The following NCALD variants were observed in gnomAD, a reference collection of about 807,000 sequenced individuals.
NCALD encodes the protein neurocalcin-delta.
A neutral mutation model predicts 18.6 loss-of-function variants in NCALD; 10 were observed. That is an observed-to-expected ratio of 0.54 (90% CI 0.33 to 0.91). The LOEUF is 0.91. NCALD is among the 40% of genes least tolerant of loss of function. The probability of loss-of-function intolerance (pLI) is 0.03; values close to 1 mark genes in which losing one functional copy is unlikely to be tolerated. For missense variants in NCALD, 184 were observed against 247.6 expected (o/e 0.74, Z 1.72); for synonymous variants, 88 against 87.4 (o/e 1.01, Z -0.04).
chr8:101,852,172 G>C (rs571771931), intron 4 of NCALD, among the ~76,000 whole-genome samples: 8 of 152,274 alleles, frequency 5.3e-5, no homozygotes, highest in African/African-American at 1.9e-4. Flanking sequence ...CAGCCTGAAT[G>C]GACTGAGACA....
At chr8:101,973,767 A>C (rs1363208664) in intron 2 of NCALD, among the ~76,000 whole-genome samples, 1 of 152,172 alleles carries the variant, frequency 6.6e-6, no homozygotes, top group Non-Finnish European at 1.5e-5. Context: ...GTTGCAGAGC[A>C]CCTAGGATAG....
At chr8:101,784,992 G>A (rs963954562) in intron 1 of NCALD, among the ~76,000 whole-genome samples, 22 of 152,118 alleles carry the variant, frequency 1.4e-4, no homozygotes, top group African/African-American at 4.6e-4. Flanking sequence ...ATGAAATGAC[G>A]GTATTTGAGG....
intron 1 of NCALD, among the ~76,000 whole-genome samples, chr8:102,063,587 T>A (rs1396586890): frequency 1.3e-5 from 2 of 152,238 alleles, no homozygotes; most frequent in Non-Finnish European, 2.9e-5. Context: ...CATGCTGTTA[T>A]GATTTCTTCC....
chr8:101,744,230 C>T (rs993012631), intron 1 of NCALD, among the ~76,000 whole-genome samples: 5 of 152,210 alleles, frequency 3.3e-5, no homozygotes, highest in Non-Finnish European at 5.9e-5. Flanking sequence ...TCATCTACTG[C>T]AGGCAGGGAA....
chr8:101,893,142 C>A (rs1198221753), intron 3 of NCALD, among the ~76,000 whole-genome samples: 1 of 151,688 alleles, frequency 6.6e-6, no homozygotes, highest in Admixed American at 6.6e-5. Flanking sequence ...AAAGGGAAGC[C>A]CATCAGACTA....
intron 1 of NCALD, among the ~76,000 whole-genome samples, chr8:102,022,097 A>T (rs539926287): frequency 1.3e-5 from 2 of 152,322 alleles, no homozygotes; most frequent in Non-Finnish European, 2.9e-5. Flanking sequence ...TAAGGGAACC[A>T]CCAAGAGGTG....
intron 2 of NCALD, among the ~76,000 whole-genome samples, chr8:101,934,616 G>A (rs1818693504): frequency 6.6e-6 from 1 of 152,122 alleles, no homozygotes; most frequent in Non-Finnish European, 1.5e-5. Context: ...AGTACTGAAA[G>A]GGACAATAGA....
chr8:102,003,427 T>A (rs1821559637), intron 2 of NCALD, among the ~76,000 whole-genome samples: 1 of 152,196 alleles, frequency 6.6e-6, no homozygotes, highest in Admixed American at 6.5e-5. Flanking sequence ...CCAGATGGAT[T>A]CACAGCCGAA....
At position 101,996,958 on chromosome 8, in the gene NCALD, C is replaced by T. The variant is rs561769673; in HGVS notation, c.-157+23279G>A. Among the ~76,000 whole-genome samples, 12 of 152,316 alleles carry T rather than the reference C, an allele frequency of 7.9e-5. No homozygotes were observed. The South Asian group carries it at 2.3e-3, about 29-fold the overall frequency. On this transcript the variant is annotated intron_variant, in intron 2 of 6. Coordinates refer to the NCALD transcript ENST00000311028. ...TTGCATTAACTACTACCTGCCTGCT[C>T]GAACACTTTGCACAGGTCAGATCAA...
intron 4 of NCALD, among the ~76,000 whole-genome samples, chr8:101,856,885 C>T (rs368412187): frequency 2.0e-5 from 3 of 152,244 alleles, no homozygotes; most frequent in Non-Finnish European, 1.5e-5. Flanking sequence ...CATTAGGAGC[C>T]ATTCAGATGC....
chr8:101,851,734 A>C (rs1815101202), intron 4 of NCALD, among the ~76,000 whole-genome samples: 2 of 152,290 alleles, frequency 1.3e-5, no homozygotes, highest in South Asian at 4.2e-4. Flanking sequence ...CACACCAGGC[A>C]TGCTAAGTAC....
intron 1 of NCALD, among the ~76,000 whole-genome samples, chr8:101,761,621 A>T (rs2130835915): frequency 6.6e-6 from 1 of 152,260 alleles, no homozygotes; most frequent in South Asian, 2.1e-4. Context: ...ACCCTTTAAG[A>T]CCTTATTATT....
intron 2 of NCALD, among the ~76,000 whole-genome samples, chr8:101,939,745 CCTGG>C (rs1468064840): frequency 6.6e-6 from 1 of 152,188 alleles, no homozygotes; most frequent in African/African-American, 2.4e-5. Context: ...CATTGACAAA[CCTGG>C]CTAAGAGAAA....
At chr8:102,056,991 T>A (rs1823674793) in intron 1 of NCALD, among the ~76,000 whole-genome samples, 1 of 152,204 alleles carries the variant, frequency 6.6e-6, no homozygotes, top group Non-Finnish European at 1.5e-5. Flanking sequence ...CAGTAACTGC[T>A]ACAAAGTTTT....
At chr8:101,691,150 C>T in intron 3 of NCALD, 1 of 985,378 alleles carries the variant, frequency 1.0e-6, no homozygotes, top group Non-Finnish European at 1.2e-6. Flanking sequence ...GGTCCAGCAG[C>T]CAAGCACTGA....
chr8:102,060,246 G>T (rs527683058), intron 1 of NCALD, among the ~76,000 whole-genome samples: 4 of 152,298 alleles, frequency 2.6e-5, no homozygotes, highest in South Asian at 4.1e-4. Flanking sequence ...CTCCCAAAAT[G>T]CTGGGATTAC....
intron 2 of NCALD, among the ~76,000 whole-genome samples, chr8:101,945,706 G>A (rs1219134543): frequency 6.6e-6 from 1 of 152,206 alleles, no homozygotes; most frequent in Non-Finnish European, 1.5e-5. Context: ...TGATAGATGT[G>A]TCACGTGGAA....
chr8:102,000,234 G>A (rs903942330), intron 2 of NCALD, among the ~76,000 whole-genome samples: 13 of 152,286 alleles, frequency 8.5e-5, no homozygotes, highest in East Asian at 5.8e-4. Context: ...CATATTCCGC[G>A]CCTGGCTCAG....
chr8:101,721,586 TG>T (rs1816358052), intron 1 of NCALD, among the ~76,000 whole-genome samples: 1 of 152,200 alleles, frequency 6.6e-6, no homozygotes, highest in African/African-American at 2.4e-5. Flanking sequence ...GAGGCCTGTC[TG>T]GTGGCCTCAC....
Sources: gnomAD v4.1 joint callset for allele counts (sites outside exome capture counted in the v4.1 genomes callset) on GRCh38, gnomAD v4.1.1 for gene constraint, MANE v1.5 for transcripts, NCBI Gene and HGNC (gene_info 2026-07-23, HGNC 2026-07-21) for gene names.